Variants in RTN4 observed in about 807,000 individuals in gnomAD.
RTN4 encodes the protein reticulon-4.
In RTN4, 32 loss-of-function variants were observed where a neutral mutation model predicts 90.4. That is an observed-to-expected ratio of 0.35 (90% confidence interval 0.27 to 0.48). The LOEUF is 0.48. Ranked by LOEUF, RTN4 falls within the 20% of genes least tolerant of loss-of-function variation. The pLI is 0.99. For missense variants in RTN4, 1,706 were observed against 1,430.2 expected (o/e 1.19, Z -3.11); for synonymous variants, 629 against 552.5 (o/e 1.14, Z -1.94).
chr2:55,126,138 C>A, the RTN4 span, among the ~76,000 whole-genome samples: 1 of 150,562 alleles, frequency 6.6e-6, no homozygotes, highest in Non-Finnish European at 1.5e-5. Flanking sequence ...CCAAGGAGGG[C>A]AGATCACCTG....
At chr2:55,049,642 C>A (rs925427831) in intron 1 of RTN4, 103 bp downstream of exon 1, 32 of 1,519,160 alleles carry the variant, frequency 2.1e-5, no homozygotes, top group Non-Finnish European at 2.8e-5. Context: ...AGACAAAGCG[C>A]CCTCGGGGCG....
chr2:55,018,378 T>C (rs954216726), intron 3 of RTN4, among the ~76,000 whole-genome samples: 44 of 152,280 alleles, frequency 2.9e-4, no homozygotes, highest in African/African-American at 9.9e-4. Context: ...ATGAATATCA[T>C]AGCCATTAGT....
intron 1 of RTN4, among the ~76,000 whole-genome samples, chr2:55,083,509 A>T (rs1164641410): frequency 6.6e-6 from 1 of 152,222 alleles, no homozygotes; most frequent in African/African-American, 2.4e-5. Flanking sequence ...AGAAGAAAAA[A>T]AAACAACCAG....
At chr2:55,117,987 G>A in the RTN4 span, among the ~76,000 whole-genome samples, 1 of 152,168 alleles carries the variant, frequency 6.6e-6, no homozygotes, top group Non-Finnish European at 1.5e-5. Flanking sequence ...TTTTCTGTGT[G>A]TTATATTTCA....
At chr2:55,106,927 G>A (rs944562427) in intron 1 of RTN4, among the ~76,000 whole-genome samples, 7 of 152,150 alleles carry the variant, frequency 4.6e-5, no homozygotes, top group African/African-American at 1.7e-4. Flanking sequence ...GCACCTGAAT[G>A]CTGAATATCA....
intron 5 of RTN4, among the ~76,000 whole-genome samples, chr2:54,981,122 A>G (rs1036794130): frequency 1.3e-5 from 2 of 152,220 alleles, no homozygotes; most frequent in Non-Finnish European, 2.9e-5. Flanking sequence ...AGGAAACTAC[A>G]TTATTTACCC....
At chr2:55,032,816 C>T (rs931296805) in intron 1 of RTN4, among the ~76,000 whole-genome samples, 6 of 151,944 alleles carry the variant, frequency 3.9e-5, no homozygotes, top group Non-Finnish European at 5.9e-5. Flanking sequence ...CCACTTGAGG[C>T]CAGGAGTTGG....
intron 3 of RTN4, among the ~76,000 whole-genome samples, chr2:55,012,186 T>TG (rs1248840631): frequency 6.6e-6 from 1 of 152,340 alleles, no homozygotes; most frequent in African/African-American, 2.4e-5. Flanking sequence ...TAAGACTACT[T>TG]GTATCTTCCG....
the RTN4 span, among the ~76,000 whole-genome samples, chr2:55,118,554 G>C: frequency 6.6e-6 from 1 of 151,894 alleles, no homozygotes; most frequent in Non-Finnish European, 1.5e-5. Flanking sequence ...ATTGAATCTA[G>C]TTCACGATTC....
intron 2 of RTN4, among the ~76,000 whole-genome samples, chr2:55,071,415 C>A (rs13390380): frequency 1.3e-5 from 2 of 152,132 alleles, no homozygotes; most frequent in Non-Finnish European, 2.9e-5. Flanking sequence ...CCAGACATAA[C>A]TAAGTCATTA....
intron 3 of RTN4, among the ~76,000 whole-genome samples, chr2:55,020,895 T>C (rs1316989397): frequency 1.3e-5 from 2 of 151,896 alleles, no homozygotes; most frequent in Non-Finnish European, 2.9e-5. Context: ...CCCAGCTACT[T>C]GGGAGGCTGA....
chr2:55,029,242 C>T (rs1477062988), intron 1 of RTN4, among the ~76,000 whole-genome samples: 1 of 152,176 alleles, frequency 6.6e-6, no homozygotes, highest in Admixed American at 6.5e-5. Flanking sequence ...GCACCTTGAT[C>T]TTAGACTTAC....
chr2:55,104,617 C>T (rs1667910442), intron 1 of RTN4, among the ~76,000 whole-genome samples: 1 of 152,042 alleles, frequency 6.6e-6, no homozygotes. Context: ...TCCCAAAGTG[C>T]TGGGATTACA....
At chr2:55,105,145 T>C (rs550140393) in intron 1 of RTN4, among the ~76,000 whole-genome samples, 10 of 152,076 alleles carry the variant, frequency 6.6e-5, no homozygotes, top group Middle Eastern at 3.4e-3. Context: ...ACTACTTATG[T>C]GAACTTTTTC....
intron 2 of RTN4, among the ~76,000 whole-genome samples, chr2:55,068,417 A>T (rs1287816843): frequency 2.6e-5 from 4 of 152,100 alleles, no homozygotes; most frequent in Non-Finnish European, 5.9e-5. Context: ...TCATATCATC[A>T]TTTCTTGCAT....
intron 1 of RTN4, among the ~76,000 whole-genome samples, chr2:55,039,358 G>C (rs1682904624): frequency 2.0e-5 from 3 of 152,006 alleles, no homozygotes; most frequent in Admixed American, 2.0e-4. Context: ...CACAAGCAAG[G>C]GAGAACTCAT....
intron 1 of RTN4, among the ~76,000 whole-genome samples, chr2:55,097,925 T>C (rs1456916885): frequency 2.0e-5 from 3 of 152,054 alleles, no homozygotes; most frequent in Non-Finnish European, 2.9e-5. Flanking sequence ...GAATGACATA[T>C]GGAAGCCTTC....
intron 5 of RTN4, among the ~76,000 whole-genome samples, chr2:54,976,076 AAG>A (rs1451859135): frequency 6.6e-6 from 1 of 152,230 alleles, no homozygotes. Flanking sequence ...ACTATAGAGT[AAG>A]AGAGTTATTT....
In RTN4 at chr2:55,025,797, T is replaced by C. The variant is rs1482180269; in HGVS notation, c.2302A>G (p.Lys768Glu). The C allele has an allele frequency of 1.2e-6, 2 of 1,613,654 alleles. No individual in the cohort carries two copies. Among genetic ancestry groups the C allele is most frequent in the East Asian group, 2.2e-5 (1 of 44,858 alleles). ...QKQDETVMLV[K>E]ESLTETSFES... is the part of the protein sequence containing the mutation. ...AATGAAGTCTCAGTGAGACTTTCTT[T>C]CACAAGCATCACAGTTTCATCTTGT... Residue 768 changes from lysine to glutamate, a missense_variant, in exon 3 of 9, where the codon AAA becomes GAA. By Grantham distance (56) the Lys-to-Glu change is moderately conservative. Coordinates refer to ENST00000337526, the MANE Select transcript of RTN4 (RefSeq NM_020532.5).
Sources: gnomAD v4.1 joint callset for allele counts (sites outside exome capture counted in the v4.1 genomes callset) on GRCh38, gnomAD v4.1.1 for gene constraint, MANE v1.5 for transcripts, NCBI Gene and HGNC (gene_info 2026-07-23, HGNC 2026-07-21) for gene names.